The following ATP1A4 variants were observed in gnomAD, a reference collection of about 807,000 sequenced individuals.
ATP1A4 encodes sodium/potassium-transporting ATPase subunit alpha-4.
Under a neutral mutation model 114.3 loss-of-function variants are expected in ATP1A4, and 90 were observed. The ratio of observed to expected loss-of-function variants is 0.79; its 90% confidence interval spans 0.66 to 0.94. The LOEUF is 0.94. ATP1A4 is among the 40% of genes least tolerant of loss of function. The probability of loss-of-function intolerance (pLI) is 0.00; values close to 1 mark genes in which losing one functional copy is unlikely to be tolerated. For missense variants in ATP1A4, 1,222 were observed against 1,313.6 expected (o/e 0.93, Z 1.08); for synonymous variants, 511 against 494.1 (o/e 1.03, Z -0.45).
At chr1:160,183,893 T>A (rs544498895) in intron 20 of ATP1A4, among the ~76,000 whole-genome samples, 1 of 152,258 alleles carries the variant, frequency 6.6e-6, no homozygotes, top group East Asian at 1.9e-4. Flanking sequence ...GTGAAAAATA[T>A]TCACTGAATT....
At chr1:160,170,579 C>CTTTTTTTT (rs531465800) in intron 10 of ATP1A4, 1 of 112,678 alleles carries the variant, frequency 8.9e-6, no homozygotes, top group Non-Finnish European at 1.8e-5. Flanking sequence ...GGTCTTTGGA[C>CTTTTTTTT]TTTTTTTTTT....
chr1:160,154,464 T>C (rs1461605257), intron 2 of ATP1A4, among the ~76,000 whole-genome samples: 1 of 152,184 alleles, frequency 6.6e-6, no homozygotes, highest in Non-Finnish European at 1.5e-5. Flanking sequence ...CAAATCAGGG[T>C]ATTTAGGATA....
rs1653362989 is a variant in ATP1A4, at chr1:160,174,091, T to C, written c.1992-20T>C. The C allele has an allele frequency of 6.2e-7, 1 of 1,611,640 alleles. No individual in the cohort carries two copies. The highest frequency in any genetic ancestry group is 8.5e-7 in the Non-Finnish European group (1 of 1,178,660). ...ATTCTCAACACTCAAAACTAGCCTT[T>C]TGAAATTATTTTCCCTCAGTGCTGC... On this transcript the variant is annotated intron_variant, in intron 13 of 21. Coordinates refer to ENST00000368081, the MANE Select transcript of ATP1A4 (RefSeq NM_144699.4).
chr1:160,181,610 TG>T, intron 18 of ATP1A4, 73 bp from the exon 19 acceptor site: 1 of 1,529,692 alleles, frequency 6.5e-7, no homozygotes, highest in South Asian at 1.2e-5. Context: ...TCCTGGAAGG[TG>T]GGAGAGGAAA....
At chr1:160,169,293 C>G (rs555623554) in intron 10 of ATP1A4, among the ~76,000 whole-genome samples, 11 of 152,220 alleles carry the variant, frequency 7.2e-5, no homozygotes, top group Non-Finnish European at 1.0e-4. Flanking sequence ...AGAAGATGCT[C>G]TGTTCCAGCA....
chr1:160,153,864 T>C (rs1652543630), intron 2 of ATP1A4, among the ~76,000 whole-genome samples: 1 of 152,162 alleles, frequency 6.6e-6, no homozygotes. Context: ...AATGATTTAG[T>C]ATTACTATGA....
At chr1:160,165,506 T>C (rs1047922034) in intron 7 of ATP1A4, among the ~76,000 whole-genome samples, 4 of 152,196 alleles carry the variant, frequency 2.6e-5, no homozygotes, top group African/African-American at 7.2e-5. Context: ...ACACCTGTAA[T>C]CCCAGCACTT....
chr1:160,186,111 G>C (rs925374193), intron 20 of ATP1A4, among the ~76,000 whole-genome samples, 165 bp from the exon 21 acceptor site: 4 of 49,746 alleles, frequency 8.0e-5, no homozygotes, highest in African/African-American at 2.8e-4. Flanking sequence ...AAAAAAAAGG[G>C]ATCAACCAGA....
chr1:160,182,849 T>C (rs918252395), intron 20 of ATP1A4: 3 of 152,160 alleles, frequency 2.0e-5, no homozygotes, highest in African/African-American at 7.2e-5. Context: ...TTTTTTGTAT[T>C]TTTAGTAGAG....
At chr1:160,158,762 G>A (rs1652763549) in intron 4 of ATP1A4, among the ~76,000 whole-genome samples, 1 of 152,150 alleles carries the variant, frequency 6.6e-6, no homozygotes, top group South Asian at 2.1e-4. Context: ...CAGGTTTAGG[G>A]GTAGAGAGAT....
At chr1:160,179,192 T>A (rs1238452282) in intron 18 of ATP1A4, among the ~76,000 whole-genome samples, 1 of 152,168 alleles carries the variant, frequency 6.6e-6, no homozygotes, top group Non-Finnish European at 1.5e-5. Context: ...ACAGTTGGCT[T>A]CCATTAGCTG....
intron 7 of ATP1A4, 31 bp from the exon 8 acceptor site, chr1:160,166,497 T>C (rs906478703): frequency 6.2e-7 from 1 of 1,612,128 alleles, no homozygotes; most frequent in African/African-American, 1.3e-5. Context: ...CCATCTCCCA[T>C]GTGTATTCTC....
At position 160,166,667 on chromosome 1, in the gene ATP1A4, T is replaced by C. The variant is rs1173590784; in HGVS notation, c.1187T>C (p.Val396Ala). The C allele has an allele frequency of 1.9e-6, 3 of 1,614,088 alleles. No homozygotes were observed. Among genetic ancestry groups the C allele is most frequent in the African/African-American group, 1.3e-5 (1 of 75,008 alleles). The change falls in exon 8 of 22, where the codon GTC (valine) becomes GCC (alanine). Residue 396 changes from valine (V) to alanine (A), a missense_variant. Transcript: ENST00000368081. ...ACCCTCACCCAGAACCGCATGACCGTCGCCCACATGTGGTTTGATATGACC... is the reference window on the plus strand; with the variant it reads ...ACCCTCACCCAGAACCGCATGACCGCCGCCCACATGTGGTTTGATATGACC... Reference protein sequence around the residue: ...TGTLTQNRMTVAHMWFDMTVY... With the variant: ...TGTLTQNRMTAAHMWFDMTVY...
chr1:160,178,517 A>G (rs1344616919), intron 18 of ATP1A4, among the ~76,000 whole-genome samples: 1 of 152,030 alleles, frequency 6.6e-6, no homozygotes, highest in Non-Finnish European at 1.5e-5. Context: ...TCTACTAAAA[A>G]TACAAAAATA....
At chr1:160,175,432 T>G (rs1487255005) in intron 15 of ATP1A4, among the ~76,000 whole-genome samples, 1 of 152,106 alleles carries the variant, frequency 6.6e-6, no homozygotes, top group African/African-American at 2.4e-5. Context: ...GTTTGAACAC[T>G]GACTATGTGG....
At chr1:160,152,809 G>A (rs1166484697) in intron 1 of ATP1A4, among the ~76,000 whole-genome samples, 1 of 152,132 alleles carries the variant, frequency 6.6e-6, no homozygotes, top group Non-Finnish European at 1.5e-5. Flanking sequence ...GGCTGAGGCA[G>A]GCAGATCACC....
At chr1:160,164,501 G>A in intron 7 of ATP1A4, 77 bp downstream of exon 7, 1 of 1,496,318 alleles carries the variant, frequency 6.7e-7, no homozygotes, top group Non-Finnish European at 9.1e-7. Context: ...CGTCTCTTTT[G>A]TTGTTGAACC....
At chr1:160,166,752 G>A in intron 8 of ATP1A4, 26 bp downstream of exon 8, 1 of 1,613,874 alleles carries the variant, frequency 6.2e-7, no homozygotes, top group Non-Finnish European at 8.5e-7. Flanking sequence ...GGTGGAACAA[G>A]AGTGGAGGGA....
At chr1:160,159,842 T>C (rs1571014214) in intron 6 of ATP1A4, among the ~76,000 whole-genome samples, 1 of 152,254 alleles carries the variant, frequency 6.6e-6, no homozygotes, top group African/African-American at 2.4e-5. Flanking sequence ...GAATGGACTA[T>C]GCTGTTTAAG....
Sources: allele counts gnomAD v4.1 joint callset (sites outside exome capture counted in the v4.1 genomes callset), GRCh38; gene constraint gnomAD v4.1.1; transcripts MANE v1.5; gene names NCBI Gene and HGNC (gene_info 2026-07-23, HGNC 2026-07-21).